LRRC4C: variants seen among roughly 807,000 people sequenced by gnomAD.
The protein encoded by LRRC4C is leucine rich repeat containing 4C.
A neutral mutation model predicts 33.6 loss-of-function variants in LRRC4C; 5 were observed. The ratio of observed to expected loss-of-function variants is 0.15; its 90% CI spans 0.08 to 0.31. LRRC4C has a LOEUF of 0.31. Ranked by LOEUF, LRRC4C falls within the 10% of genes least tolerant of loss-of-function variation. LRRC4C has a pLI of 1.00. For synonymous variants in LRRC4C, 329 were observed against 302.0 expected (o/e 1.09, Z -0.93); for missense variants, 560 against 796.7 (o/e 0.70, Z 3.58).
intron 3 of LRRC4C, among the ~76,000 whole-genome samples, chr11:40,546,706 C>G (rs1956939651): frequency 6.6e-6 from 1 of 152,034 alleles, no homozygotes; most frequent in Admixed American, 6.6e-5. Context: ...ATATATACCA[C>G]CAATCATCAG....
chr11:41,233,537 T>C (rs937793827), intron 1 of LRRC4C, among the ~76,000 whole-genome samples: 1 of 152,032 alleles, frequency 6.6e-6, no homozygotes, highest in Non-Finnish European at 1.5e-5. Context: ...CTGCATCACA[T>C]AAAAACGCCT....
intron 1 of LRRC4C, among the ~76,000 whole-genome samples, chr11:41,226,554 T>C (rs1233472908): frequency 6.6e-6 from 1 of 152,092 alleles, no homozygotes; most frequent in East Asian, 1.9e-4. Flanking sequence ...TCAACTTCTT[T>C]CTAATCTCAG....
chr11:41,223,777 C>T (rs1947408397), intron 1 of LRRC4C, among the ~76,000 whole-genome samples: 1 of 152,216 alleles, frequency 6.6e-6, no homozygotes, highest in South Asian at 2.1e-4. Context: ...CCCATTGACT[C>T]TGCCAGAGAA....
intron 1 of LRRC4C, among the ~76,000 whole-genome samples, chr11:40,966,926 G>T (rs753127312): frequency 4.6e-5 from 7 of 151,674 alleles, no homozygotes; most frequent in Non-Finnish European, 1.0e-4. Flanking sequence ...TTTAGTTCTA[G>T]TAAAAGAAAA....
At chr11:40,854,201 C>G (rs1953654502) in intron 2 of LRRC4C, among the ~76,000 whole-genome samples, 1 of 152,092 alleles carries the variant, frequency 6.6e-6, no homozygotes, top group South Asian at 2.1e-4. Flanking sequence ...ATCACTCCCA[C>G]CATGGTTTAA....
chr11:40,997,012 G>A (rs2137324147), intron 1 of LRRC4C, among the ~76,000 whole-genome samples: 1 of 152,196 alleles, frequency 6.6e-6, no homozygotes, highest in African/African-American at 2.4e-5. Flanking sequence ...ATAAAGTTCG[G>A]TGTTAGGCCT....
Position 40,651,234 on chromosome 11 carries a change from G to GAT in LRRC4C, c.-406-2957_-406-2956insAT, listed in dbSNP as rs1220616135. 3.3e-5 allele frequency among the ~76,000 whole-genome samples: 5 copies of GAT among 152,054 alleles called. No individual in the cohort carries two copies. In the East Asian group the frequency reaches 9.6e-4, roughly 29 times the overall value. ...ATCAGTGTCATTCTGTTTTATTAGA[G>GAT]GAATATTTAGGATAATGTGTAAGTC... On this transcript the variant is annotated intron_variant, in intron 2 of 6. Transcript: ENST00000528697.
At chr11:40,321,957 A>G (rs2136861749) in intron 3 of LRRC4C, among the ~76,000 whole-genome samples, 1 of 152,292 alleles carries the variant, frequency 6.6e-6, no homozygotes, top group Non-Finnish European at 1.5e-5. Context: ...CTGAAGGGAC[A>G]TAGCATCAGA....
intron 1 of LRRC4C, among the ~76,000 whole-genome samples, chr11:40,991,815 T>G (rs1484251760): frequency 6.6e-6 from 1 of 152,156 alleles, no homozygotes. Context: ...CAGGCTGTAA[T>G]GTGAGCGAGG....
intron 1 of LRRC4C, among the ~76,000 whole-genome samples, chr11:41,115,787 G>A (rs1016814204): frequency 4.6e-5 from 7 of 151,978 alleles, no homozygotes; most frequent in South Asian, 2.1e-4. Flanking sequence ...TCAGTCTCCC[G>A]CAACTGGTAA....
intron 5 of LRRC4C, among the ~76,000 whole-genome samples, chr11:40,161,934 T>G (rs1040765243): frequency 2.0e-5 from 3 of 152,158 alleles, no homozygotes; most frequent in African/African-American, 7.2e-5. Context: ...ATAACACAAT[T>G]CCTGAGTCTG....
intron 3 of LRRC4C, among the ~76,000 whole-genome samples, chr11:40,633,656 C>T: frequency 6.6e-6 from 1 of 152,038 alleles, no homozygotes; most frequent in Non-Finnish European, 1.5e-5. Flanking sequence ...TCCCAAAGTG[C>T]TGGGATTACA....
intron 1 of LRRC4C, among the ~76,000 whole-genome samples, chr11:41,191,469 T>C (rs907185800): frequency 6.6e-6 from 1 of 152,168 alleles, no homozygotes; most frequent in East Asian, 1.9e-4. Flanking sequence ...CATCTATGAA[T>C]GGTAGTGAAA....
At chr11:40,995,789 CA>C (rs1168381197) in intron 1 of LRRC4C, among the ~76,000 whole-genome samples, 1 of 152,130 alleles carries the variant, frequency 6.6e-6, no homozygotes, top group Non-Finnish European at 1.5e-5. Context: ...GCACTTGGAA[CA>C]AATACCAAAC....
At chr11:40,611,887 AT>A (rs1961255856) in intron 3 of LRRC4C, among the ~76,000 whole-genome samples, 1 of 151,472 alleles carries the variant, frequency 6.6e-6, no homozygotes, top group Admixed American at 6.6e-5. Context: ...AATAAGAAGT[AT>A]TGATGAGAAT....
intron 1 of LRRC4C, among the ~76,000 whole-genome samples, chr11:41,163,976 T>C (rs1451526187): frequency 6.6e-6 from 1 of 152,122 alleles, no homozygotes; most frequent in Non-Finnish European, 1.5e-5. Context: ...TTGTACATAT[T>C]TATGGGGTAC....
intron 4 of LRRC4C, among the ~76,000 whole-genome samples, chr11:40,279,962 C>A (rs1943362249): frequency 1.3e-5 from 2 of 152,022 alleles, no homozygotes; most frequent in South Asian, 4.2e-4. Flanking sequence ...ACAAATAAGT[C>A]CTTGATGATT....
intron 5 of LRRC4C, among the ~76,000 whole-genome samples, chr11:40,158,579 CAAA>C (rs10652402): frequency 7.1e-6 from 1 of 141,208 alleles, no homozygotes. Context: ...ACATACTTAT[CAAA>C]AAAAAAAAAA....
At chr11:41,074,762 G>A (rs1460484792) in intron 1 of LRRC4C, among the ~76,000 whole-genome samples, 2 of 152,086 alleles carry the variant, frequency 1.3e-5, no homozygotes, top group Non-Finnish European at 2.9e-5. Context: ...CCAACCCTCT[G>A]CTTGTCCATT....
Sources: allele counts gnomAD v4.1 joint callset (sites outside exome capture counted in the v4.1 genomes callset), GRCh38; gene constraint gnomAD v4.1.1; transcripts MANE v1.5; gene names NCBI Gene and HGNC (gene_info 2026-07-23, HGNC 2026-07-21).